BCAT2: variants seen among roughly 807,000 people sequenced by gnomAD.
The protein encoded by BCAT2 is branched-chain-amino-acid aminotransferase, mitochondrial.
In BCAT2, 44 loss-of-function variants were observed where a neutral mutation model predicts 52.9. The ratio of observed to expected loss-of-function variants is 0.83; its 90% CI spans 0.65 to 1.07. The LOEUF (loss-of-function observed/expected upper bound fraction) is 1.07, where lower values mean the gene tolerates loss of function less well. BCAT2 is among the 50% of genes least tolerant of loss of function. BCAT2 has a pLI of 0.00. For missense variants in BCAT2, 478 were observed against 521.8 expected, an observed-to-expected ratio of 0.92 and a Z score of 0.82; for synonymous variants, 215 against 217.1, an observed-to-expected ratio of 0.99 and a Z score of 0.08.
rs568357472 is a variant in BCAT2 at position 48,806,206 on chromosome 19, C to A, written c.300+311G>T. Among the ~76,000 whole-genome samples the A allele has an allele frequency of 2.7e-5, 4 of 149,710 alleles. 1 individual carries two copies. In the South Asian group the frequency reaches 8.7e-4, roughly 33 times the overall value. ...AGCTTCCCTCTATGCCAGAAGAAGC[C>A]ATGCTTTCTTTCAAGTGAGGCTGGG... On this transcript the variant is annotated intron_variant, in intron 3 of 10. Transcript: ENST00000316273.
At chr19:48,806,424 C>T (rs986610547) in intron 3 of BCAT2, 93 bp downstream of exon 3, 29 of 1,499,112 alleles carry the variant, frequency 1.9e-5, no homozygotes, top group Admixed American at 3.5e-5. Flanking sequence ...AAACACACAA[C>T]AAACAAACCA....
At chr19:48,805,134 G>C (rs1197078199) in intron 3 of BCAT2, among the ~76,000 whole-genome samples, 2 of 152,178 alleles carry the variant, frequency 1.3e-5, no homozygotes, top group Non-Finnish European at 2.9e-5. Context: ...GGAGCTGTAA[G>C]ATGCTCACTT....
chr19:48,805,732 C>T (rs1319446761), intron 3 of BCAT2, among the ~76,000 whole-genome samples: 1 of 135,974 alleles, frequency 7.4e-6, no homozygotes, highest in Admixed American at 7.2e-5. Context: ...GTCCCTCTCC[C>T]GCCATCCCTC....
chr19:48,808,921 A>AATTAC (rs1267575536), intron 1 of BCAT2, among the ~76,000 whole-genome samples: 2 of 151,852 alleles, frequency 1.3e-5, no homozygotes, highest in Non-Finnish European at 2.9e-5. Flanking sequence ...AAACAATTTA[A>AATTAC]AAATTAGCCA....
Position 48,795,237 on chromosome 19 carries a change from G to T in BCAT2, c.*189C>A, listed in dbSNP as rs2034473027. The T allele has an allele frequency of 7.3e-6, 5 of 682,860 alleles. No individual in the cohort carries two copies. Among genetic ancestry groups the T allele is most frequent in the African/African-American group, 3.6e-5 (2 of 56,080 alleles). The allele number at this position is 682,860 out of a possible 1,614,324, so 42.3% of individuals were successfully genotyped here. A position where few individuals can be genotyped will look rare whatever the true frequency, so the allele number is the denominator to read the frequency against. On this transcript the variant is annotated 3_prime_UTR_variant, in exon 11 of 11. Transcript: ENST00000316273. ...ACCTGAACCCGCGACGAGGGGCTGGGGGCCAAGATGCCTGGGTCGGCCCTT... is the reference window on the plus strand; with the variant it reads ...ACCTGAACCCGCGACGAGGGGCTGGTGGCCAAGATGCCTGGGTCGGCCCTT...
At chr19:48,803,901 A>G (rs942981464) in intron 3 of BCAT2, among the ~76,000 whole-genome samples, 6 of 151,888 alleles carry the variant, frequency 4.0e-5, no homozygotes, top group African/African-American at 1.5e-4. Flanking sequence ...GGCTCACGCC[A>G]GTAATCCCAG....
chr19:48,803,919 G>A (rs1406422306), intron 3 of BCAT2, among the ~76,000 whole-genome samples: 1 of 152,238 alleles, frequency 6.6e-6, no homozygotes, highest in Non-Finnish European at 1.5e-5. Context: ...CAGCCCTTTG[G>A]GAGGATGAGG....
rs2034829186 is a variant in BCAT2 at position 48,807,926 on chromosome 19, C to A, written c.25-852G>T. 1.0e-6 allele frequency: 1 copy of A among 985,722 alleles called. No homozygotes were observed. Among genetic ancestry groups the A allele is most frequent in the Non-Finnish European group, 1.2e-6 (1 of 830,272 alleles). The allele number at this position is 985,722 out of a possible 1,614,324, so 61.1% of individuals were successfully genotyped here. On this transcript the variant is annotated intron_variant, in intron 1 of 10. Transcript: ENST00000316273. The surrounding 1 kb of genome is among the most constrained non-coding windows in gnomAD (Gnocchi z 4.6). ...GTCTGGCTGTGTCCAGCAGGCTGGGCCCTCTCTGGTGACCTTTGACCTCAC... is the reference window on the plus strand; with the variant it reads ...GTCTGGCTGTGTCCAGCAGGCTGGGACCTCTCTGGTGACCTTTGACCTCAC...
intron 10 of BCAT2, chr19:48,796,134 G>A (rs1256042137): frequency 3.9e-6 from 2 of 518,716 alleles, no homozygotes; most frequent in South Asian, 6.5e-5. Context: ...CACGGAGAGG[G>A]GGTTTCTCCT....
chr19:48,803,761 G>A (rs2034704902), intron 3 of BCAT2, among the ~76,000 whole-genome samples: 2 of 152,220 alleles, frequency 1.3e-5, no homozygotes, highest in Admixed American at 6.5e-5. Flanking sequence ...GGGCTGGGGT[G>A]AGGGACAATG....
chr19:48,802,697 C>T (rs1273099069), intron 3 of BCAT2, among the ~76,000 whole-genome samples: 2 of 152,030 alleles, frequency 1.3e-5, no homozygotes, highest in African/African-American at 4.8e-5. Flanking sequence ...ACCCACCTGC[C>T]TCAGCCTCCC....
chr19:48,810,171 A>C (rs1437857549), intron 1 of BCAT2, among the ~76,000 whole-genome samples: 1 of 152,234 alleles, frequency 6.6e-6, no homozygotes. Context: ...AGCCGAAAAA[A>C]GTGAAATTCT....
intron 1 of BCAT2, 162 bp downstream of exon 1, chr19:48,810,822 C>G (rs879203786): frequency 2.0e-6 from 3 of 1,481,756 alleles, no homozygotes; most frequent in South Asian, 2.6e-5. Flanking sequence ...ATTAAAGCCT[C>G]GTGCTCCTTT....
chr19:48,809,066 CA>C (rs3057799), intron 1 of BCAT2, among the ~76,000 whole-genome samples: 225 of 28,918 alleles, frequency 7.8e-3, no homozygotes, highest in African/African-American at 0.02. Context: ...GAGTGTCTCT[CA>C]AAAAAAAAAA....
intron 3 of BCAT2, among the ~76,000 whole-genome samples, chr19:48,805,668 C>T (rs527395336): frequency 1.7e-4 from 25 of 144,812 alleles, no homozygotes; most frequent in African/African-American, 6.2e-4. Flanking sequence ...GGGCTGTCTC[C>T]TCTCCTGCCA....
At chr19:48,810,303 T>C (rs1395724859) in intron 1 of BCAT2, among the ~76,000 whole-genome samples, 1 of 152,156 alleles carries the variant, frequency 6.6e-6, no homozygotes, top group East Asian at 1.9e-4. Flanking sequence ...TCTTTGGCTG[T>C]TTCCTTCCTC....
rs1404927632 is a variant in BCAT2 at position 48,807,020 on chromosome 19, A to G, written c.79T>C (p.Tyr27His). 2 of 1,613,842 alleles carry G rather than the reference A, an allele frequency of 1.2e-6. No homozygotes were observed. The highest frequency in any genetic ancestry group is 2.2e-5 in the South Asian group (2 of 91,066). Residue 27 changes from tyrosine (Y) to histidine (H), a missense_variant, in exon 2 of 11, where the codon TAT becomes CAT. Coordinates refer to ENST00000316273, the MANE Select transcript of BCAT2 (RefSeq NM_001190.4). The surrounding 1 kb of genome is among the most constrained non-coding windows in gnomAD (Gnocchi z 4.6). ...TTCACCTTGAAACTGGAGGAGGCAT[A>G]TCTTCTGGGACCACACAGAAGCCAA... is the stretch of plus-strand genomic sequence containing the variant. ...VPWLLCGPRRYASSSFKAADL... is the reference protein window; with the variant it reads ...VPWLLCGPRRHASSSFKAADL...
chr19:48,806,802 A>C, intron 2 of BCAT2, 85 bp from the exon 3 acceptor site: 1 of 1,521,984 alleles, frequency 6.6e-7, no homozygotes, highest in Non-Finnish European at 9.0e-7. Context: ...TGGGCCTCAG[A>C]CCCATAGAGA....
At chr19:48,802,441 CTTT>C (rs35775607) in intron 3 of BCAT2, among the ~76,000 whole-genome samples, 14,987 of 86,574 alleles carry the variant, frequency 0.17, 547 homozygotes, top group Non-Finnish European at 0.19. Context: ...TACTGGATTC[CTTT>C]TTTTTTTTTT....
Sources: gnomAD v4.1 joint callset for allele counts (sites outside exome capture counted in the v4.1 genomes callset) on GRCh38, gnomAD v4.1.1 for gene constraint, Gnocchi (gnomAD v3.1) non-coding constraint, MANE v1.5 for transcripts, NCBI Gene and HGNC (gene_info 2026-07-23, HGNC 2026-07-21) for gene names.